Variants in KIF26B observed in about 807,000 individuals in gnomAD.
KIF26B encodes the protein kinesin-like protein KIF26B.
In KIF26B, 63 loss-of-function variants were observed where a neutral mutation model predicts 151.2. The observed-to-expected ratio is 0.42, with a 90% CI of 0.34 to 0.51. The LOEUF is 0.51. KIF26B is among the 20% of genes least tolerant of loss of function. KIF26B has a pLI of 0.07. For missense variants in KIF26B, 2,813 were observed against 2,913.6 expected (o/e 0.97, Z 0.79); for synonymous variants, 1,357 against 1,262.1 (o/e 1.08, Z -1.59).
At chr1:245,576,544 TG>T (rs2043120301) in intron 5 of KIF26B, among the ~76,000 whole-genome samples, 1 of 152,206 alleles carries the variant, frequency 6.6e-6, no homozygotes, top group African/African-American at 2.4e-5. Context: ...TCACACGTCC[TG>T]GTGAGAGAGC....
At chr1:245,371,380 A>G (rs1024227759) in intron 3 of KIF26B, 1 of 151,862 alleles carries the variant, frequency 6.6e-6, no homozygotes, top group African/African-American at 2.4e-5. Flanking sequence ...AGCTGACCTC[A>G]TTTTTCCTGC....
rs559619328 is a variant in KIF26B, at chr1:245,681,592, G to A, written c.2259-2641G>A. ...GCGCCTTCGGCCCATCTGTATGTGG[G>A]GCCACTCTGGAAAGTGCTAAGGTAA... On this transcript the variant is annotated intron_variant, in intron 10 of 14. Transcript: ENST00000407071. Among the ~76,000 whole-genome samples the A allele has an allele frequency of 3.9e-5, 6 of 152,254 alleles. No homozygotes were observed. In the South Asian group the frequency reaches 6.2e-4, roughly 16 times the overall value.
chr1:245,532,953 A>G (rs528935248), intron 4 of KIF26B, among the ~76,000 whole-genome samples: 1 of 152,340 alleles, frequency 6.6e-6, no homozygotes, highest in African/African-American at 2.4e-5. Context: ...GTTATTTCAT[A>G]ATAAAGCATT....
chr1:245,324,964 A>T (rs938969938), intron 2 of KIF26B, among the ~76,000 whole-genome samples: 2 of 151,810 alleles, frequency 1.3e-5, no homozygotes, highest in Non-Finnish European at 2.9e-5. Flanking sequence ...GTGTGGTGGC[A>T]TGCACCTGTA....
At chr1:245,604,799 A>G (rs1451345892) in intron 6 of KIF26B, among the ~76,000 whole-genome samples, 1 of 152,214 alleles carries the variant, frequency 6.6e-6, no homozygotes, top group Admixed American at 6.5e-5. Flanking sequence ...TTCCAATGTT[A>G]TAATAAATTA....
chr1:245,569,444 C>T (rs1362117768), intron 5 of KIF26B, among the ~76,000 whole-genome samples: 1 of 151,890 alleles, frequency 6.6e-6, no homozygotes, highest in Admixed American at 6.6e-5. Flanking sequence ...CTTGTCTCTA[C>T]AAAAAGTACA....
At chr1:245,501,650 G>C (rs1660623319) in intron 4 of KIF26B, among the ~76,000 whole-genome samples, 3 of 152,342 alleles carry the variant, frequency 2.0e-5, no homozygotes, top group Admixed American at 6.5e-5. Context: ...CTGGACTAGT[G>C]TGGTAGTAGG....
Position 245,156,551 on chromosome 1 carries a change from G to A in KIF26B, c.333G>A (p.Pro111=). ...CTCCGGGCTTCGGCACAGGCTCCCC[G>A]GGCTCCGGCAGCGGCGGCGGCTCCT... The part of the protein sequence containing the change: ...GGSPGFGTGS[P]GSGSGGGSSP... Residue 111 remains proline (P), a synonymous_variant, in exon 2 of 15, where the codon CCG becomes CCA. Coordinates refer to ENST00000407071, the MANE Select transcript of KIF26B (RefSeq NM_018012.4). The A allele has an allele frequency of 1.3e-6, 2 of 1,535,470 alleles. No homozygotes were observed. The highest frequency in any genetic ancestry group is 8.7e-7 in the Non-Finnish European group (1 of 1,147,206).
At chr1:245,579,288 A>G (rs1242800782) in intron 5 of KIF26B, among the ~76,000 whole-genome samples, 2 of 152,192 alleles carry the variant, frequency 1.3e-5, no homozygotes, top group Admixed American at 1.3e-4. Flanking sequence ...ATTAGTGTTT[A>G]TCCCTACAGT....
intron 4 of KIF26B, among the ~76,000 whole-genome samples, chr1:245,471,683 A>G (rs980656896): frequency 6.6e-6 from 1 of 152,130 alleles, no homozygotes; most frequent in African/African-American, 2.4e-5. Context: ...CTCTCTGGAT[A>G]TATAATATAC....
In KIF26B at chr1:245,698,740, A is replaced by T; in HGVS notation, c.6028-147A>T. Reference sequence around the variant, plus strand: ...TGAGGTGTCTGAATTGAGGTCTGTCAAGGGAGAATTTGGTGGGGATGACCC... The same window carrying T: ...TGAGGTGTCTGAATTGAGGTCTGTCTAGGGAGAATTTGGTGGGGATGACCC... On this transcript the variant is annotated intron_variant, in intron 13 of 14. Transcript: ENST00000407071. The surrounding 1 kb of genome is among the most constrained non-coding windows in gnomAD (Gnocchi z 4.0). 1.1e-6 allele frequency: 1 copy of T among 950,658 alleles called. No individual in the cohort carries two copies. Among genetic ancestry groups the T allele is most frequent in the Non-Finnish European group, 1.6e-6 (1 of 645,112 alleles). 58.9% of individuals were successfully genotyped at this position (950,658 alleles called of 1,614,324 possible).
intron 10 of KIF26B, among the ~76,000 whole-genome samples, chr1:245,655,357 G>A (rs1026749954): frequency 1.3e-5 from 2 of 152,216 alleles, no homozygotes; most frequent in African/African-American, 2.4e-5. Flanking sequence ...TGTAACCCAC[G>A]TGGTTCTGCC....
chr1:245,299,320 GTTTTTTTTTTTTT>G (rs55957858), intron 2 of KIF26B, among the ~76,000 whole-genome samples: 1 of 103,196 alleles, frequency 9.7e-6, no homozygotes, highest in African/African-American at 3.6e-5. Context: ...CCAATTCTGG[GTTTTTTTTTTTTT>G]TTTTTTTTTT....
intron 2 of KIF26B, among the ~76,000 whole-genome samples, chr1:245,305,051 A>G (rs1671510650): frequency 6.6e-6 from 1 of 152,168 alleles, no homozygotes. Flanking sequence ...GGACATGGAA[A>G]CATTTTTAAG....
Position 245,699,038 on chromosome 1 carries a change from G to A in KIF26B, c.6178+1G>A. 1 of 1,613,164 alleles carries A rather than the reference G, an allele frequency of 6.2e-7. No homozygotes were observed. The highest frequency in any genetic ancestry group is 8.5e-7 in the Non-Finnish European group (1 of 1,179,364). On this transcript the variant is annotated splice_donor_variant, in intron 14 of 14. Coordinates refer to ENST00000407071, the MANE Select transcript of KIF26B (RefSeq NM_018012.4). LOFTEE classifies it high-confidence loss of function. ...GATCCCAACAAGTGGCTCAGTGAATGTAAGGCCGGGGTGCCTTCCCACCCT... is the reference window on the plus strand; with the variant it reads ...GATCCCAACAAGTGGCTCAGTGAATATAAGGCCGGGGTGCCTTCCCACCCT...
At chr1:245,588,471 G>A (rs545619341) in intron 5 of KIF26B, among the ~76,000 whole-genome samples, 14 of 152,242 alleles carry the variant, frequency 9.2e-5, no homozygotes, top group Admixed American at 6.5e-4. Flanking sequence ...ATTAGCGTTT[G>A]CTCCTTTCCT....
intron 5 of KIF26B, among the ~76,000 whole-genome samples, chr1:245,559,392 G>A (rs1305189164): frequency 6.6e-6 from 1 of 152,114 alleles, no homozygotes; most frequent in Non-Finnish European, 1.5e-5. Context: ...TTACTACGGT[G>A]AGTAACAAGG....
At chr1:245,253,416 A>G (rs1052388886) in intron 2 of KIF26B, among the ~76,000 whole-genome samples, 4 of 152,136 alleles carry the variant, frequency 2.6e-5, no homozygotes, top group Non-Finnish European at 5.9e-5. Flanking sequence ...ATTTTAAAAT[A>G]TATTGCTGGA....
At chr1:245,653,693 G>A (rs1052453051) in intron 10 of KIF26B, among the ~76,000 whole-genome samples, 1 of 152,114 alleles carries the variant, frequency 6.6e-6, no homozygotes, top group Non-Finnish European at 1.5e-5. Context: ...GTCAACATTT[G>A]TTGCAATAAC....
Sources: gnomAD v4.1 joint callset for allele counts (sites outside exome capture counted in the v4.1 genomes callset) on GRCh38, gnomAD v4.1.1 for gene constraint, Gnocchi (gnomAD v3.1) non-coding constraint, MANE v1.5 for transcripts, NCBI Gene and HGNC (gene_info 2026-07-23, HGNC 2026-07-21) for gene names.